Variants in NEDD4 observed in about 807,000 individuals in gnomAD.
NEDD4 encodes the protein E3 ubiquitin-protein ligase NEDD4.
Under a neutral mutation model 144.9 loss-of-function variants are expected in NEDD4, and 99 were observed. The ratio of observed to expected loss-of-function variants is 0.68; its 90% CI spans 0.58 to 0.81. The LOEUF is 0.81. Among genes scored for constraint, NEDD4 ranks in the 30% least tolerant of loss-of-function variants. The pLI is 0.00. For synonymous variants in NEDD4, 318 were observed against 350.6 expected, an observed-to-expected ratio of 0.91 and a Z score of 1.04; for missense variants, 985 against 1,065.9, an observed-to-expected ratio of 0.92 and a Z score of 1.06.
intron 5 of NEDD4, among the ~76,000 whole-genome samples, chr15:55,899,704 C>G (rs1053132237): frequency 6.6e-6 from 1 of 152,158 alleles, no homozygotes; most frequent in African/African-American, 2.4e-5. Context: ...CAGCTTGAGA[C>G]CTAATGTTCT....
chr15:55,840,030 AT>A (rs1566901269), intron 21 of NEDD4, among the ~76,000 whole-genome samples: 21 of 87,526 alleles, frequency 2.4e-4, no homozygotes, highest in Admixed American at 8.0e-4. Flanking sequence ...ATATATATAT[AT>A]ATATATATAT....
chr15:55,926,723 G>A (rs1318105359), intron 4 of NEDD4, among the ~76,000 whole-genome samples: 1 of 152,200 alleles, frequency 6.6e-6, no homozygotes, highest in East Asian at 1.9e-4. Flanking sequence ...CCGAGATCGT[G>A]CCACTGCACT....
intron 4 of NEDD4, among the ~76,000 whole-genome samples, chr15:55,926,200 G>A (rs1301209847): frequency 6.6e-6 from 1 of 152,118 alleles, no homozygotes; most frequent in African/African-American, 2.4e-5. Context: ...CTATGGAATT[G>A]TTTAACATGG....
intron 4 of NEDD4, among the ~76,000 whole-genome samples, chr15:55,926,225 T>C (rs2036662645): frequency 6.6e-6 from 1 of 152,156 alleles, no homozygotes; most frequent in African/African-American, 2.4e-5. Context: ...CCTGAATATG[T>C]CTATCTAGAA....
chr15:55,915,858 C>A, intron 5 of NEDD4: 1 of 1,613,856 alleles, frequency 6.2e-7, no homozygotes, highest in South Asian at 1.1e-5. Context: ...TAACCGAAGT[C>A]CATTGACAGC....
Position 55,993,596 on chromosome 15 carries a change from C to G in NEDD4, c.-41G>C. 1 of 1,586,074 alleles carries G rather than the reference C, an allele frequency of 6.3e-7. No individual in the cohort carries two copies. Among genetic ancestry groups the G allele is most frequent in the Non-Finnish European group, 8.6e-7 (1 of 1,169,410 alleles). The stretch of plus-strand genomic sequence containing the variant: ...GCAAACCGGACGCGCTCGCCCCCGC[C>G]CAGGGCAGGCAACTGTGGAGGAGGA... On this transcript the variant is annotated 5_prime_UTR_variant, in exon 1 of 29. Coordinates refer to ENST00000435532, the MANE Select transcript of NEDD4 (RefSeq NM_006154.4).
At chr15:55,982,880 G>A (rs1295900575) in intron 1 of NEDD4, among the ~76,000 whole-genome samples, 1 of 152,102 alleles carries the variant, frequency 6.6e-6, no homozygotes, top group Non-Finnish European at 1.5e-5. Flanking sequence ...CCAGCACTTT[G>A]GGAGGCCAAG....
chr15:55,940,537 TCTCTCTCTGC>T (rs747864089), intron 4 of NEDD4, among the ~76,000 whole-genome samples: 34 of 146,696 alleles, frequency 2.3e-4, no homozygotes, highest in Non-Finnish European at 2.7e-4. Flanking sequence ...TCTCTCTCTC[TCTCTCTCTGC>T]CTCTCTGCCT....
intron 1 of NEDD4, among the ~76,000 whole-genome samples, chr15:55,967,884 G>T (rs1028332469): frequency 2.6e-5 from 4 of 152,024 alleles, no homozygotes; most frequent in Non-Finnish European, 5.9e-5. Flanking sequence ...ATGATAACTT[G>T]TGTCTGTAAT....
intron 5 of NEDD4, among the ~76,000 whole-genome samples, chr15:55,897,936 GCA>G (rs1251929908): frequency 1.3e-5 from 2 of 152,134 alleles, no homozygotes; most frequent in Admixed American, 1.3e-4. Context: ...TGTGGAATCT[GCA>G]CACAGTTGGT....
intron 5 of NEDD4, among the ~76,000 whole-genome samples, chr15:55,913,460 T>G (rs1030262831): frequency 6.6e-6 from 1 of 152,082 alleles, no homozygotes; most frequent in African/African-American, 2.4e-5. Flanking sequence ...TATTTAGATA[T>G]AGCATAAATT....
chr15:55,898,631 CTTTTTT>C (rs34372143), intron 5 of NEDD4, among the ~76,000 whole-genome samples: 2 of 108,318 alleles, frequency 1.8e-5, no homozygotes, highest in Non-Finnish European at 1.9e-5. Flanking sequence ...ACAAAAAGAA[CTTTTTT>C]TTTTTTTTTT....
intron 1 of NEDD4, among the ~76,000 whole-genome samples, chr15:55,988,970 T>A (rs1308458017): frequency 3.9e-5 from 6 of 152,210 alleles, no homozygotes; most frequent in African/African-American, 1.2e-4. Context: ...GCGCGGTGCC[T>A]CACGCCTATA....
chr15:55,930,885 G>T (rs2036766466), intron 4 of NEDD4, among the ~76,000 whole-genome samples: 1 of 152,148 alleles, frequency 6.6e-6, no homozygotes, highest in African/African-American at 2.4e-5. Context: ...GGAACTGTGA[G>T]TCCATTAAAC....
At chr15:55,945,987 A>C (rs879873481) in intron 4 of NEDD4, among the ~76,000 whole-genome samples, 4 of 152,216 alleles carry the variant, frequency 2.6e-5, no homozygotes, top group Non-Finnish European at 5.9e-5. Context: ...CCTGCCTTAC[A>C]AGAGCTCATG....
chr15:55,985,517 G>A (rs775383547), intron 1 of NEDD4, among the ~76,000 whole-genome samples: 4 of 152,180 alleles, frequency 2.6e-5, no homozygotes, highest in Non-Finnish European at 4.4e-5. Context: ...GGAGATGTCT[G>A]CGTGGTCAGG....
chr15:55,899,055 G>T (rs901354814), intron 5 of NEDD4, among the ~76,000 whole-genome samples: 2 of 152,166 alleles, frequency 1.3e-5, no homozygotes, highest in Admixed American at 6.5e-5. Context: ...TGAAAACAAA[G>T]ATTTCTTCTC....
In NEDD4 at chr15:55,840,527, A is replaced by C; in HGVS notation, c.1961-10T>G. 6.2e-7 allele frequency: 1 copy of C among 1,613,980 alleles called. No individual in the cohort carries two copies. The highest frequency in any genetic ancestry group is 8.5e-7 in the Non-Finnish European group (1 of 1,179,948). On this transcript the variant is annotated splice_polypyrimidine_tract_variant and intron_variant, in intron 20 of 28. Transcript: ENST00000435532. ...GGGCGGATGAAAAAACCTTGCAAAA[A>C]ACCAAATACATTTAGGATGATTACC...
rs58470215 is a variant in NEDD4 at position 55,986,580 on chromosome 15, C to CTTTTTTTTT, written c.45+6922_45+6930dup. On this transcript the variant is annotated intron_variant, in intron 1 of 28. Transcript: ENST00000435532. ...TCGTAGGATGTAAGGCCTGTCCTTG[C>CTTTTTTTTT]TTTTTTTTTTTTTTTTTTTTTTTTT... is the stretch of plus-strand genomic sequence containing the variant. Among the ~76,000 whole-genome samples the CTTTTTTTTT allele has an allele frequency of 5.2e-4, 40 of 76,426 alleles. 1 individual carries two copies. Among genetic ancestry groups the CTTTTTTTTT allele is most frequent in the African/African-American group, 1.9e-3 (32 of 16,784 alleles). The allele number at this position is 76,426 out of a possible 152,430, so 50.1% of individuals were successfully genotyped here.
Sources: gnomAD v4.1 joint callset for allele counts (sites outside exome capture counted in the v4.1 genomes callset) on GRCh38, gnomAD v4.1.1 for gene constraint, MANE v1.5 for transcripts, NCBI Gene and HGNC (gene_info 2026-07-23, HGNC 2026-07-21) for gene names.